Variants in RBM26 observed in about 807,000 individuals in gnomAD.
RBM26 encodes the protein RNA binding motif protein 26.
A neutral mutation model predicts 123.6 loss-of-function variants in RBM26; 30 were observed. The observed-to-expected ratio is 0.24, with a 90% confidence interval of 0.18 to 0.33. The LOEUF (loss-of-function observed/expected upper bound fraction) is 0.33. RBM26 is among the 10% of genes least tolerant of loss of function. The probability of loss-of-function intolerance (pLI) is 1.00; values close to 1 mark genes in which losing one functional copy is unlikely to be tolerated. For synonymous variants in RBM26, 400 were observed against 404.4 expected (o/e 0.99, Z 0.13); for missense variants, 947 against 1,203.6 (o/e 0.79, Z 3.15).
At chr13:79,364,852 C>T (rs919795187) in intron 9 of RBM26, among the ~76,000 whole-genome samples, 2 of 151,970 alleles carry the variant, frequency 1.3e-5, no homozygotes, top group Non-Finnish European at 2.9e-5. Context: ...TATACGCAAA[C>T]TAATATCAAA....
At chr13:79,372,364 A>G (rs554790761) in intron 3 of RBM26, among the ~76,000 whole-genome samples, 23 of 152,274 alleles carry the variant, frequency 1.5e-4, no homozygotes, top group African/African-American at 5.5e-4. Context: ...ATTAACATTA[A>G]ATAAAATTTA....
At chr13:79,375,090 A>AT (rs2076543920) in intron 3 of RBM26, among the ~76,000 whole-genome samples, 1 of 95,458 alleles carries the variant, frequency 1.0e-5, no homozygotes, top group East Asian at 2.3e-4. Context: ...ATATATAAAT[A>AT]TATATTTATA....
At chr13:79,378,055 C>T (rs918247009) in intron 2 of RBM26, among the ~76,000 whole-genome samples, 10 of 152,202 alleles carry the variant, frequency 6.6e-5, no homozygotes, top group African/African-American at 2.4e-4. Flanking sequence ...CTGGAATGGT[C>T]GCAGCCCTCT....
At chr13:79,403,900 T>C (rs2079271835) in intron 1 of RBM26, among the ~76,000 whole-genome samples, 1 of 152,236 alleles carries the variant, frequency 6.6e-6, no homozygotes, top group Non-Finnish European at 1.5e-5. Context: ...TCATGCATTC[T>C]GCAGCATTTC....
chr13:79,385,820 A>G (rs999605993), intron 1 of RBM26, among the ~76,000 whole-genome samples: 1 of 152,142 alleles, frequency 6.6e-6, no homozygotes, highest in Non-Finnish European at 1.5e-5. Flanking sequence ...AGTTCAAATC[A>G]TATCACCAGG....
chr13:79,353,986 A>C (rs1224757283), intron 13 of RBM26, among the ~76,000 whole-genome samples: 4 of 152,226 alleles, frequency 2.6e-5, no homozygotes, highest in African/African-American at 9.6e-5. Context: ...AAACAGTATA[A>C]TATCAAGCAT....
At chr13:79,369,219 G>A (rs2139982533) in intron 5 of RBM26, among the ~76,000 whole-genome samples, 1 of 152,118 alleles carries the variant, frequency 6.6e-6, no homozygotes, top group East Asian at 1.9e-4. Context: ...CATATTTAAT[G>A]TTTTTCCTTA....
chr13:79,354,745 C>T (rs1235979952), intron 12 of RBM26, among the ~76,000 whole-genome samples, 175 bp from the exon 13 acceptor site: 1 of 152,202 alleles, frequency 6.6e-6, no homozygotes, highest in African/African-American at 2.4e-5. Flanking sequence ...GTTTTCTTTG[C>T]ATAAAATAAC....
At position 79,389,325 on chromosome 13, in the gene RBM26, T is replaced by C. The variant is rs552883732; in HGVS notation, c.72-10418A>G. On this transcript the variant is annotated intron_variant, in intron 1 of 21. Transcript: ENST00000438737. ...GAAAGCCTCCAACAGCAGCATTAGC[T>C]GACTTCTAGAAAATAACTTCTACTA... Among the ~76,000 whole-genome samples, 3 of 152,334 alleles carry C rather than the reference T, an allele frequency of 2.0e-5. No individual in the cohort carries two copies. In the South Asian group the frequency reaches 6.2e-4, roughly 32 times the overall value.
At chr13:79,316,840 G>A (rs1217772235), downstream of RBM26, among the ~76,000 whole-genome samples, 2 of 151,734 alleles carry the variant, frequency 1.3e-5, no homozygotes, top group Admixed American at 1.3e-4. Flanking sequence ...TGTAGGAAGA[G>A]GCGACCTACA....
chr13:79,314,222 A>C (rs1299519110), downstream of RBM26: 1 of 151,750 alleles, frequency 6.6e-6, no homozygotes, highest in Non-Finnish European at 1.5e-5. Flanking sequence ...TAGGCACACA[A>C]CACTATTTCC....
At chr13:79,316,264 TAGA>T (rs2067147809), downstream of RBM26, among the ~76,000 whole-genome samples, 2 of 149,262 alleles carry the variant, frequency 1.3e-5, no homozygotes, top group Non-Finnish European at 3.0e-5. Context: ...ATATAAATTC[TAGA>T]AGAACTAAAA....
intron 1 of RBM26, among the ~76,000 whole-genome samples, chr13:79,396,829 T>C (rs1376155868): frequency 1.3e-5 from 2 of 152,182 alleles, no homozygotes; most frequent in African/African-American, 4.8e-5. Context: ...AAGCAATCCA[T>C]GTAATACACC....
chr13:79,390,096 G>T (rs987489242), intron 1 of RBM26, among the ~76,000 whole-genome samples: 1 of 152,040 alleles, frequency 6.6e-6, no homozygotes, highest in Non-Finnish European at 1.5e-5. Flanking sequence ...AATCAGAAAG[G>T]AATAAGAAGA....
At chr13:79,345,253 T>C in intron 14 of RBM26, among the ~76,000 whole-genome samples, 1 of 151,936 alleles carries the variant, frequency 6.6e-6, no homozygotes, top group East Asian at 1.9e-4. Context: ...CTCCAATCCT[T>C]TGGTAGCAAT....
intron 1 of RBM26, among the ~76,000 whole-genome samples, chr13:79,401,492 T>C (rs2079048160): frequency 6.6e-6 from 1 of 152,186 alleles, no homozygotes; most frequent in Non-Finnish European, 1.5e-5. Context: ...CTCAGTATCA[T>C]CACCTGCAAA....
chr13:79,361,225 T>C (rs7324006), intron 9 of RBM26, among the ~76,000 whole-genome samples: 76,682 of 151,922 alleles, frequency 0.5, 19,757 homozygotes, highest in Middle Eastern at 0.6. Flanking sequence ...ATTTGATATA[T>C]GACTACCCAC....
intron 12 of RBM26, 130 bp downstream of exon 12, chr13:79,355,090 G>T: frequency 2.6e-6 from 2 of 777,210 alleles, no homozygotes; most frequent in Non-Finnish European, 4.2e-6. Context: ...AGTCTTTACA[G>T]GTAACAGAAG....
At position 79,337,198 on chromosome 13, in the gene RBM26, A is replaced by G. The variant is rs2070573311; in HGVS notation, c.2637T>C (p.Gly879=). The part of the protein sequence containing the change: ...GRGRGRGRGR[G]VPGHAVVDHR... The stretch of plus-strand genomic sequence containing the variant: ...GATCCACCACAGCATGACCAGGCAC[A>G]CCTCGCCCTCGCCCTCGCCCCCTGC... Residue 879 remains glycine, a synonymous_variant, in exon 19 of 22, where the codon GGT becomes GGC. Coordinates refer to ENST00000438737, the MANE Select transcript of RBM26 (RefSeq NM_001366735.2). 3.7e-6 allele frequency: 6 copies of G among 1,614,012 alleles called. No homozygotes were observed. The African/African-American group carries it at 5.3e-5, about 14-fold the overall frequency.
Sources: gnomAD v4.1 joint callset for allele counts (sites outside exome capture counted in the v4.1 genomes callset) on GRCh38, gnomAD v4.1.1 for gene constraint, MANE v1.5 for transcripts, NCBI Gene and HGNC (gene_info 2026-07-23, HGNC 2026-07-21) for gene names.